ANK2: variants seen among roughly 807,000 people sequenced by gnomAD.
The protein encoded by ANK2 is ankyrin-2.
A neutral mutation model predicts 360.5 loss-of-function variants in ANK2; 83 were observed. The observed-to-expected ratio is 0.23, with a 90% CI of 0.19 to 0.28. The LOEUF is 0.28. ANK2 is among the 10% of genes least tolerant of loss of function. The pLI is 1.00. For synonymous variants in ANK2, 1,740 were observed against 1,759.5 expected, an observed-to-expected ratio of 0.99 and a Z score of 0.28; for missense variants, 4,201 against 4,795.7, an observed-to-expected ratio of 0.88 and a Z score of 3.66.
chr4:113,318,556 C>T lies in ANK2; in HGVS notation c.2836C>T (p.Arg946Cys), dbSNP rs200524407. 3.7e-5 allele frequency: 60 copies of T among 1,613,752 alleles called. 1 individual carries two copies. In the African/African-American group the frequency reaches 5.3e-4, roughly 14 times the overall value. ...CAAGGAGGCAGAAAGGAATTCTTAT[C>T]GCCTAAGCTGGGGCACTGAGAACTT... Reference protein sequence around the residue: ...LAKEAERNSYRLSWGTENLDN... With the variant: ...LAKEAERNSYCLSWGTENLDN... The change falls in exon 26 of 46, where the codon CGC becomes TGC. Residue 946 changes from arginine (R) to cysteine (C), a missense_variant. By Grantham distance (180) the Arg-to-Cys change is radical. This residue lies in a region of ANK2 where 1,268 missense variants were observed against 1,650.8 expected (regional missense o/e 0.77). Transcript: ENST00000357077.
At chr4:112,799,038 T>G in the ANK2 span, among the ~76,000 whole-genome samples, 6,914 of 152,262 alleles carry the variant, frequency 0.045, 401 homozygotes, top group African/African-American at 0.13. Context: ...TTTGACTACT[T>G]TAGGTACCTC....
chr4:113,328,238 A>G (rs894807428), intron 26 of ANK2, among the ~76,000 whole-genome samples: 2 of 152,130 alleles, frequency 1.3e-5, no homozygotes, highest in African/African-American at 2.4e-5. Context: ...CTGTGCACCA[A>G]TGGAGGCAGC....
the ANK2 span, among the ~76,000 whole-genome samples, chr4:112,741,986 G>C: frequency 6.6e-6 from 1 of 152,126 alleles, no homozygotes; most frequent in Non-Finnish European, 1.5e-5. Context: ...TTACTGTTTA[G>C]AGAAGAGTAC....
chr4:113,355,355 G>A lies in ANK2; in HGVS notation c.6737G>A (p.Ser2246Asn), dbSNP rs1464506112. 6.2e-7 allele frequency: 1 copy of A among 1,614,036 alleles called. No homozygotes were observed. The highest frequency in any genetic ancestry group is 2.2e-5 in the East Asian group (1 of 44,848). Reference protein sequence around the residue: ...LAETPETSPESLSFSPKKSEE... With the variant: ...LAETPETSPENLSFSPKKSEE... ...GAGACCCCTGAGACGAGCCCAGAAA[G>A]CCTTTCTTTCTCACCAAAGAAAAGT... The change falls in exon 38 of 46, where the codon AGC becomes AAC. Residue 2246 changes from serine (S) to asparagine (N), a missense_variant. Transcript: ENST00000357077.
intron 1 of ANK2, among the ~76,000 whole-genome samples, chr4:112,899,914 G>A (rs1252414679): frequency 6.6e-6 from 1 of 152,086 alleles, no homozygotes; most frequent in Non-Finnish European, 1.5e-5. Context: ...CTGAATGAAT[G>A]AATGAATGAA....
chr4:113,238,742 C>A (rs969506501), intron 7 of ANK2, among the ~76,000 whole-genome samples: 1 of 152,042 alleles, frequency 6.6e-6, no homozygotes, highest in African/African-American at 2.4e-5. Context: ...AGAAGAGAAA[C>A]CCCTTCGTCT....
At chr4:112,994,410 T>A (rs147412121) in intron 2 of ANK2, among the ~76,000 whole-genome samples, 3 of 152,316 alleles carry the variant, frequency 2.0e-5, no homozygotes, top group African/African-American at 7.2e-5. Flanking sequence ...AGAAAAGTAA[T>A]GTGATCTTTT....
At chr4:113,038,265 C>T (rs1242311525) in intron 2 of ANK2, among the ~76,000 whole-genome samples, 1 of 151,918 alleles carries the variant, frequency 6.6e-6, no homozygotes, top group Admixed American at 6.6e-5. Context: ...AGCTCACATT[C>T]AGAAAGCAGG....
chr4:112,752,243 A>T, the ANK2 span, among the ~76,000 whole-genome samples: 1 of 151,960 alleles, frequency 6.6e-6, no homozygotes, highest in South Asian at 2.1e-4. Flanking sequence ...AACTCCATAA[A>T]CCCTCCTTGA....
chr4:113,168,524 T>C (rs542941578), intron 1 of ANK2, among the ~76,000 whole-genome samples: 66 of 152,324 alleles, frequency 4.3e-4, no homozygotes, highest in African/African-American at 1.4e-3. Flanking sequence ...AATTTTCATT[T>C]AGTAGCAATC....
intron 2 of ANK2, among the ~76,000 whole-genome samples, chr4:112,914,546 C>A (rs1047719494): frequency 1.3e-5 from 2 of 152,042 alleles, no homozygotes; most frequent in African/African-American, 4.8e-5. Flanking sequence ...TCACTTGAAC[C>A]CAGAGGAGGA....
At chr4:112,883,224 AGAT>A (rs1225359370) in intron 1 of ANK2, among the ~76,000 whole-genome samples, 2 of 151,422 alleles carry the variant, frequency 1.3e-5, no homozygotes, top group Admixed American at 1.3e-4. Flanking sequence ...TTTTTAGTAG[AGAT>A]GAGGTTTTGC....
At chr4:113,180,580 A>G (rs1248747561) in intron 2 of ANK2, among the ~76,000 whole-genome samples, 5 of 152,246 alleles carry the variant, frequency 3.3e-5, no homozygotes, top group African/African-American at 1.2e-4. Context: ...GTTACTATTT[A>G]TCTGGGTTGC....
chr4:112,961,660 G>A lies in ANK2; in HGVS notation c.21+57146G>A, dbSNP rs1582020989. Among the ~76,000 whole-genome samples the A allele has an allele frequency of 2.0e-5, 3 of 152,240 alleles. No individual in the cohort carries two copies. In the South Asian group the frequency reaches 6.2e-4, roughly 32 times the overall value. ...AAGCATGCTACATTTCCCCCATTGTGTTTAGGGCTGTTGGACCATGTGTCA... is the reference window on the plus strand; with the variant it reads ...AAGCATGCTACATTTCCCCCATTGTATTTAGGGCTGTTGGACCATGTGTCA... On this transcript the variant is annotated intron_variant, in intron 2 of 30. Coordinates refer to the ANK2 transcript ENST00000503271.
intron 18 of ANK2, among the ~76,000 whole-genome samples, chr4:113,284,495 T>A (rs2063610519): frequency 3.3e-5 from 5 of 152,212 alleles, no homozygotes; most frequent in African/African-American, 1.2e-4. Flanking sequence ...AAATGACAAG[T>A]ACATATCTGA....
chr4:112,884,062 A>G (rs2077575516), intron 1 of ANK2, among the ~76,000 whole-genome samples: 2 of 152,046 alleles, frequency 1.3e-5, no homozygotes, highest in Admixed American at 6.5e-5. Flanking sequence ...GACTATGAAA[A>G]TATGACTTAG....
intron 2 of ANK2, among the ~76,000 whole-genome samples, chr4:113,014,209 G>C (rs537736538): frequency 1.3e-5 from 2 of 152,186 alleles, no homozygotes; most frequent in African/African-American, 4.8e-5. Flanking sequence ...ATATTTGAAG[G>C]TTCCCTAGGA....
At chr4:113,246,167 A>G (rs1029472957) in intron 9 of ANK2, among the ~76,000 whole-genome samples, 3 of 152,224 alleles carry the variant, frequency 2.0e-5, no homozygotes, top group African/African-American at 7.2e-5. Context: ...TTCCCCCAGC[A>G]TTTAAATTAA....
At chr4:112,910,023 T>G (rs1356862358) in intron 2 of ANK2, among the ~76,000 whole-genome samples, 2 of 152,194 alleles carry the variant, frequency 1.3e-5, no homozygotes, top group African/African-American at 4.8e-5. Context: ...TATTCTTTAG[T>G]GTTAAAATTT....
Sources: gnomAD v4.1 joint callset for allele counts (sites outside exome capture counted in the v4.1 genomes callset) on GRCh38, gnomAD v4.1.1 for gene constraint, gnomAD v4.1.1 regional missense constraint, MANE v1.5 for transcripts, NCBI Gene and HGNC (gene_info 2026-07-23, HGNC 2026-07-21) for gene names.